CUX2: variants seen among roughly 807,000 people sequenced by gnomAD.
CUX2 encodes homeobox protein cut-like 2.
A neutral mutation model predicts 144.8 loss-of-function variants in CUX2; 40 were observed. That is an observed-to-expected ratio of 0.28 (90% CI 0.21 to 0.36). The LOEUF (loss-of-function observed/expected upper bound fraction) is 0.36, where lower values mean the gene tolerates loss of function less well. Ranked by LOEUF, CUX2 falls within the 10% of genes least tolerant of loss-of-function variation. The pLI, the probability that CUX2 is intolerant of heterozygous loss-of-function variation, is 1.00. For synonymous variants in CUX2, 827 were observed against 875.6 expected (o/e 0.94, Z 0.98); for missense variants, 1,615 against 1,994.0 (o/e 0.81, Z 3.62).
chr12:111,107,449 C>T (rs1379852397), intron 1 of CUX2, among the ~76,000 whole-genome samples: 1 of 152,274 alleles, frequency 6.6e-6, no homozygotes, highest in Non-Finnish European at 1.5e-5. Flanking sequence ...CAATTCTTTT[C>T]TCCATGTTCC....
chr12:111,053,583 T>C (rs1010461836), intron 1 of CUX2, among the ~76,000 whole-genome samples: 2 of 152,236 alleles, frequency 1.3e-5, no homozygotes, highest in African/African-American at 2.4e-5. Flanking sequence ...CTTCCCAGCA[T>C]TGCATTTTCT....
chr12:111,096,969 TC>T (rs1419404848), intron 1 of CUX2, among the ~76,000 whole-genome samples: 9 of 150,654 alleles, frequency 6.0e-5, no homozygotes, highest in Non-Finnish European at 1.0e-4. Flanking sequence ...AAAGCAGGGC[TC>T]CATCAAGAAA....
At chr12:111,147,778 CAAAGGTAGCA>C (rs923189971) in intron 1 of CUX2, among the ~76,000 whole-genome samples, 1 of 152,158 alleles carries the variant, frequency 6.6e-6, no homozygotes, top group Non-Finnish European at 1.5e-5. Flanking sequence ...GATGCCACAG[CAAAGGTAGCA>C]AAAGCCCAGG....
In CUX2 at chr12:111,178,835, A is replaced by G. The variant is rs1375865918; in HGVS notation, c.64-35365A>G. 6.6e-6 allele frequency among the ~76,000 whole-genome samples: 1 copy of G among 152,050 alleles called. No homozygotes were observed. Among genetic ancestry groups the G allele is most frequent in the Non-Finnish European group, 1.5e-5 (1 of 68,006 alleles). ...GGCTTGGGGATGTCCTGTGGTGGTGATATCCCAGGGCTGAGCTGGAAGACC... is the reference window on the plus strand; with the variant it reads ...GGCTTGGGGATGTCCTGTGGTGGTGGTATCCCAGGGCTGAGCTGGAAGACC... On this transcript the variant is annotated intron_variant, in intron 1 of 21. Transcript: ENST00000261726. This position sits in a 1 kb window ranked among gnomAD's most constrained non-coding sequence, Gnocchi z 5.7.
At chr12:111,217,657 GAA>G (rs60889424) in intron 2 of CUX2, among the ~76,000 whole-genome samples, 3,763 of 152,230 alleles carry the variant, frequency 0.025, 133 homozygotes, top group African/African-American at 0.083. Flanking sequence ...TGCATTATAT[GAA>G]AGACTCCAGA....
intron 1 of CUX2, among the ~76,000 whole-genome samples, chr12:111,085,367 G>A (rs982961826): frequency 6.6e-6 from 1 of 152,230 alleles, no homozygotes; most frequent in Admixed American, 6.5e-5. Context: ...TTACCAGCAT[G>A]CATCTGAGCA....
intron 4 of CUX2, among the ~76,000 whole-genome samples, chr12:111,284,458 T>G (rs537470834): frequency 1.1e-4 from 16 of 152,284 alleles, no homozygotes; most frequent in African/African-American, 3.9e-4. Flanking sequence ...GACACGAGCA[T>G]TGGTCCCTTC....
At chr12:111,214,171 CTCTT>C (rs762320574) in intron 1 of CUX2, 25 bp from the exon 2 acceptor site, 46 of 1,176,338 alleles carry the variant, frequency 3.9e-5, no homozygotes, top group South Asian at 6.2e-5. Context: ...TTCTCTCTCT[CTCTT>C]TTTTTTTTTT....
rs1411386620 is a variant in CUX2, at chr12:111,277,638, G to A, written c.302-13780G>A. On this transcript the variant is annotated intron_variant, in intron 4 of 21. Transcript: ENST00000261726. The surrounding 1 kb of genome is among the most constrained non-coding windows in gnomAD (Gnocchi z 5.0). The stretch of plus-strand genomic sequence containing the variant: ...TCCCTCTAGAGTGTCAGCCCCAGGA[G>A]GGCAGGAATTTTCTATCATTTCCTG... Among the ~76,000 whole-genome samples, 2 of 152,182 alleles carry A rather than the reference G, an allele frequency of 1.3e-5. No individual in the cohort carries two copies. Among genetic ancestry groups the A allele is most frequent in the East Asian group, 3.9e-4 (2 of 5,176 alleles).
chr12:111,071,579 A>T (rs1770802532), intron 1 of CUX2, among the ~76,000 whole-genome samples: 1 of 152,136 alleles, frequency 6.6e-6, no homozygotes, highest in African/African-American at 2.4e-5. Flanking sequence ...CATTCTGTTA[A>T]TACTCCCTTT....
chr12:111,170,845 G>A lies in CUX2; in HGVS notation c.64-43355G>A, dbSNP rs964995776. Reference sequence around the variant, plus strand: ...TCTCCGTGGCTGGGTCCCTGACCTCGGGCCCAGCGTGGTAGGAAGGCCGAG... The same window carrying A: ...TCTCCGTGGCTGGGTCCCTGACCTCAGGCCCAGCGTGGTAGGAAGGCCGAG... On this transcript the variant is annotated intron_variant, in intron 1 of 21. Transcript: ENST00000261726. 7.2e-5 allele frequency among the ~76,000 whole-genome samples: 11 copies of A among 152,068 alleles called. 1 individual carries two copies. The South Asian group carries it at 1.7e-3, about 23-fold the overall frequency.
chr12:111,229,208 C>T (rs1317051478), intron 3 of CUX2, among the ~76,000 whole-genome samples: 1 of 152,190 alleles, frequency 6.6e-6, no homozygotes, highest in Non-Finnish European at 1.5e-5. Context: ...CAGTTGCACC[C>T]AGAAAGGCCC....
intron 1 of CUX2, among the ~76,000 whole-genome samples, chr12:111,050,349 A>C (rs1335518803): frequency 6.6e-6 from 1 of 152,094 alleles, no homozygotes; most frequent in Non-Finnish European, 1.5e-5. Flanking sequence ...TATCCACAAC[A>C]TCACTGCCTC....
At position 111,115,437 on chromosome 12, in the gene CUX2, C is replaced by T. The variant is rs554405637; in HGVS notation, c.63+81197C>T. Among the ~76,000 whole-genome samples the T allele has an allele frequency of 6.3e-4, 96 of 152,010 alleles. No homozygotes were observed. In the Middle Eastern group the frequency reaches 0.01, roughly 16 times the overall value. On this transcript the variant is annotated intron_variant, in intron 1 of 21. Transcript: ENST00000261726. ...AGTAGCTGGGACTATAGGTGCCTGC[C>T]ACCATGCCCGGCTAATTTTCTGTGT... is the stretch of plus-strand genomic sequence containing the variant.
intron 1 of CUX2, among the ~76,000 whole-genome samples, chr12:111,046,221 C>A (rs377153882): frequency 6.6e-6 from 1 of 152,360 alleles, no homozygotes; most frequent in East Asian, 1.9e-4. Context: ...CCCTGCATGC[C>A]GCTTGGCAGG....
intron 4 of CUX2, among the ~76,000 whole-genome samples, chr12:111,282,090 G>A (rs1370179630): frequency 6.6e-6 from 1 of 152,134 alleles, no homozygotes; most frequent in African/African-American, 2.4e-5. Flanking sequence ...GGGAGGCTGA[G>A]GCAGGTGGAT....
intron 1 of CUX2, among the ~76,000 whole-genome samples, chr12:111,147,643 T>G (rs920249890): frequency 6.6e-6 from 1 of 152,130 alleles, no homozygotes; most frequent in Non-Finnish European, 1.5e-5. Flanking sequence ...GAGCCTGGCA[T>G]TGAGAGGAGA....
At chr12:111,323,773 G>A (rs1887644943) in intron 18 of CUX2, among the ~76,000 whole-genome samples, 1 of 152,088 alleles carries the variant, frequency 6.6e-6, no homozygotes, top group African/African-American at 2.4e-5. Context: ...CAGAAAAAAG[G>A]AGGCCGAGCA....
At chr12:111,258,205 G>C (rs1412256580) in intron 3 of CUX2, among the ~76,000 whole-genome samples, 2 of 152,162 alleles carry the variant, frequency 1.3e-5, no homozygotes, top group East Asian at 1.9e-4. Flanking sequence ...CCAGTACCAG[G>C]TCAGGCTCTG....
Sources: gnomAD v4.1 joint callset for allele counts (sites outside exome capture counted in the v4.1 genomes callset) on GRCh38, gnomAD v4.1.1 for gene constraint, Gnocchi (gnomAD v3.1) non-coding constraint, MANE v1.5 for transcripts, NCBI Gene and HGNC (gene_info 2026-07-23, HGNC 2026-07-21) for gene names.